RAB23: variants seen among roughly 807,000 people sequenced by gnomAD.
RAB23 encodes RAB23, member RAS oncogene family, also known as ras-related protein Rab-23.
Under a neutral mutation model 30.0 loss-of-function variants are expected in RAB23, and 15 were observed. That is an observed-to-expected ratio of 0.50 (90% CI 0.33 to 0.77). The LOEUF (loss-of-function observed/expected upper bound fraction) is 0.77. RAB23 is among the 30% of genes least tolerant of loss of function. RAB23 has a pLI of 0.02. For synonymous variants in RAB23, 93 were observed against 94.0 expected (o/e 0.99, Z 0.06); for missense variants, 243 against 275.4 (o/e 0.88, Z 0.83).
At chr6:57,220,736 G>C (rs1052441782) in intron 1 of RAB23, among the ~76,000 whole-genome samples, 1 of 151,880 alleles carries the variant, frequency 6.6e-6, no homozygotes, top group Non-Finnish European at 1.5e-5. Flanking sequence ...ATCACATTAG[G>C]TTTTTTTTCT....
At chr6:57,196,832 T>C (rs548809738) in intron 3 of RAB23, among the ~76,000 whole-genome samples, 1 of 152,322 alleles carries the variant, frequency 6.6e-6, no homozygotes, top group South Asian at 2.1e-4. Context: ...TCTTTACTTT[T>C]CAACATATAA....
At chr6:57,198,838 A>G (rs1310717671) in intron 3 of RAB23, among the ~76,000 whole-genome samples, 2 of 152,174 alleles carry the variant, frequency 1.3e-5, no homozygotes, top group East Asian at 3.9e-4. Context: ...TCTTAGAGGA[A>G]GCATATATGA....
At chr6:57,204,124 C>T (rs559773133) in intron 3 of RAB23, among the ~76,000 whole-genome samples, 16 of 152,178 alleles carry the variant, frequency 1.1e-4, no homozygotes, top group Admixed American at 2.0e-4. Flanking sequence ...TCAAGTATAT[C>T]GATTTTATAT....
At chr6:57,198,296 T>C (rs812061) in intron 3 of RAB23, among the ~76,000 whole-genome samples, 12 of 152,148 alleles carry the variant, frequency 7.9e-5, no homozygotes, top group African/African-American at 2.7e-4. Context: ...CTGTGGATCA[T>C]GAGGTCAGGA....
At position 57,222,140 on chromosome 6, in the gene RAB23, G is replaced by C. The variant is rs1321392169; in HGVS notation, c.-480C>G. ...CCAGCTCTCCCTGCGGGGCCGAGCG[G>C]CTAGTTCGCACCCTCTTTCGCTCTC... On this transcript the variant is annotated 5_prime_UTR_variant, in exon 1 of 7. Coordinates refer to ENST00000468148, the MANE Select transcript of RAB23 (RefSeq NM_016277.5). The C allele has an allele frequency of 2.0e-5, 3 of 152,364 alleles. No individual in the cohort carries two copies. The South Asian group carries it at 6.2e-4, about 32-fold the overall frequency. 9.4% of individuals were successfully genotyped at this position (152,364 alleles called of 1,614,324 possible).
At chr6:57,214,800 C>T (rs1395652207) in intron 1 of RAB23, among the ~76,000 whole-genome samples, 2 of 152,152 alleles carry the variant, frequency 1.3e-5, no homozygotes, top group Non-Finnish European at 2.9e-5. Flanking sequence ...TCACTCAGCA[C>T]ACCAAGAACC....
Position 57,191,263 on chromosome 6 carries a change from C to T in RAB23, c.575-663G>A, listed in dbSNP as rs1764828735. On this transcript the variant is annotated intron_variant, in intron 6 of 6. Coordinates refer to ENST00000468148, the MANE Select transcript of RAB23 (RefSeq NM_016277.5). ...AGATTTTCACCCCTTGCCAGTTTTC[C>T]CACCCCTAAGGTACGCATGTTATTA... Among the ~76,000 whole-genome samples, 6 of 152,168 alleles carry T rather than the reference C, an allele frequency of 3.9e-5. No homozygotes were observed. In the South Asian group the frequency reaches 1.2e-3, roughly 32 times the overall value.
chr6:57,203,052 G>T (rs919496333), intron 3 of RAB23, among the ~76,000 whole-genome samples: 3 of 136,466 alleles, frequency 2.2e-5, no homozygotes, highest in Non-Finnish European at 4.6e-5. Context: ...TGTCACCCAG[G>T]CTGGAGTACA....
chr6:57,214,144 A>C (rs1338002294), intron 1 of RAB23, among the ~76,000 whole-genome samples: 1 of 152,124 alleles, frequency 6.6e-6, no homozygotes, highest in Non-Finnish European at 1.5e-5. Flanking sequence ...GGGTGGTGTC[A>C]GATGAAGCCT....
At chr6:57,193,777 A>G (rs1764923133) in intron 6 of RAB23, 65 bp downstream of exon 6, 1 of 1,565,102 alleles carries the variant, frequency 6.4e-7, no homozygotes, top group East Asian at 2.3e-5. Flanking sequence ...GAAAGAAATG[A>G]GCATATTATA....
intron 1 of RAB23, 81 bp from the exon 2 acceptor site, chr6:57,210,526 A>C (rs1742751713): frequency 1.1e-6 from 1 of 891,898 alleles, no homozygotes; most frequent in Non-Finnish European, 1.8e-6. Flanking sequence ...AAATTATCAC[A>C]TTGCATTGCA....
intron 3 of RAB23, among the ~76,000 whole-genome samples, chr6:57,199,082 C>T (rs1301590244): frequency 1.3e-5 from 2 of 152,234 alleles, no homozygotes; most frequent in East Asian, 3.9e-4. Flanking sequence ...AATAAACAAA[C>T]CCTGCAGCAG....
intron 5 of RAB23, 152 bp downstream of exon 5, chr6:57,194,618 C>A: frequency 1.6e-6 from 1 of 609,046 alleles, no homozygotes; most frequent in Non-Finnish European, 2.9e-6. Flanking sequence ...TAAGCACTAA[C>A]AAAAAGAAGT....
At chr6:57,218,377 G>A (rs1466114663) in intron 1 of RAB23, among the ~76,000 whole-genome samples, 3 of 152,160 alleles carry the variant, frequency 2.0e-5, no homozygotes, top group Non-Finnish European at 2.9e-5. Flanking sequence ...ACTTTATTCT[G>A]GGAATGCAAG....
rs1264094094 is a variant in RAB23, at chr6:57,188,236, A to AATT, written c.*2222_*2224dup. 1.3e-5 allele frequency: 2 copies of AATT among 152,218 alleles called. No individual in the cohort carries two copies. Among genetic ancestry groups the AATT allele is most frequent in the Admixed American group, 6.5e-5 (1 of 15,286 alleles). The allele number at this position is 152,218 out of a possible 1,614,324, so 9.4% of individuals were successfully genotyped here. On this transcript the variant is annotated 3_prime_UTR_variant, in exon 7 of 7. Coordinates refer to ENST00000468148, the MANE Select transcript of RAB23 (RefSeq NM_016277.5). Reference sequence around the variant, plus strand: ...GCTTTAAGAATTGATTAAATTGAGAAATTAACATGGCTGACTTTCAGGCCT... The same window carrying AATT: ...GCTTTAAGAATTGATTAAATTGAGAAATTATTAACATGGCTGACTTTCAGGCCT...
chr6:57,207,074 T>G (rs1293114499), intron 3 of RAB23, among the ~76,000 whole-genome samples: 2 of 152,206 alleles, frequency 1.3e-5, no homozygotes, highest in Non-Finnish European at 2.9e-5. Context: ...GGGCAAAATT[T>G]TATAAGAAAA....
At chr6:57,194,000 A>C in intron 5 of RAB23, 66 bp from the exon 6 acceptor site, 1 of 1,554,486 alleles carries the variant, frequency 6.4e-7, no homozygotes, top group Non-Finnish European at 8.7e-7. Context: ...GTTATTTCAC[A>C]TCATTTGTAA....
At chr6:57,221,210 G>T (rs1177702620) in intron 1 of RAB23, 1 of 152,136 alleles carries the variant, frequency 6.6e-6, no homozygotes, top group Admixed American at 6.5e-5. Flanking sequence ...ACTTCTTAGG[G>T]TCAATGAAAT....
At chr6:57,194,949 C>T (rs907607428) in intron 4 of RAB23, 97 bp from the exon 5 acceptor site, 1 of 919,746 alleles carries the variant, frequency 1.1e-6, no homozygotes, top group Non-Finnish European at 1.7e-6. Flanking sequence ...TACAGTTTGG[C>T]AGGGAAGGGA....
Sources: allele counts gnomAD v4.1 joint callset (sites outside exome capture counted in the v4.1 genomes callset), GRCh38; gene constraint gnomAD v4.1.1; transcripts MANE v1.5; gene names NCBI Gene and HGNC (gene_info 2026-07-23, HGNC 2026-07-21).